MYO5C: variants seen among roughly 807,000 people sequenced by gnomAD.
MYO5C encodes the protein unconventional myosin-Vc.
In MYO5C, 194 loss-of-function variants were observed where a neutral mutation model predicts 235.7. The observed-to-expected ratio is 0.82, with a 90% CI of 0.73 to 0.93. The LOEUF (loss-of-function observed/expected upper bound fraction) is 0.93, where lower values mean the gene tolerates loss of function less well. MYO5C is among the 40% of genes least tolerant of loss of function. MYO5C has a pLI of 0.00. For synonymous variants in MYO5C, 707 were observed against 754.8 expected (o/e 0.94, Z 1.04); for missense variants, 2,038 against 2,127.2 (o/e 0.96, Z 0.82).
At chr15:52,285,461 GTCTCCCTCCTCTCCCTCC>G (rs1195543942) in intron 1 of MYO5C, among the ~76,000 whole-genome samples, 7 of 113,994 alleles carry the variant, frequency 6.1e-5, no homozygotes, top group African/African-American at 2.5e-4. Context: ...TCCCTCTCCC[GTCTCCCTCCTCTCCCTCC>G]TCTCCCTCCT....
chr15:52,204,798 G>C, intron 38 of MYO5C, 67 bp downstream of exon 38: 2 of 1,552,752 alleles, frequency 1.3e-6, no homozygotes, highest in Non-Finnish European at 1.7e-6. Context: ...AGGCGCGTGG[G>C]GCCTCGGACT....
At chr15:52,198,008 T>A (rs370607118) in intron 38 of MYO5C, among the ~76,000 whole-genome samples, 4 of 152,194 alleles carry the variant, frequency 2.6e-5, no homozygotes, top group Admixed American at 2.0e-4. Flanking sequence ...TAAAAAAAAT[T>A]GAGTGTTGAA....
intron 5 of MYO5C, among the ~76,000 whole-genome samples, chr15:52,274,012 T>C (rs1304660706): frequency 6.6e-6 from 1 of 152,088 alleles, no homozygotes; most frequent in Admixed American, 6.5e-5. Flanking sequence ...GGGCAGGATT[T>C]TTGCTTTTTA....
chr15:52,256,968 G>A, intron 10 of MYO5C: 1 of 423,176 alleles, frequency 2.4e-6, no homozygotes, highest in Non-Finnish European at 4.3e-6. Flanking sequence ...ATTAAAATAA[G>A]CATGTCACCA....
At chr15:52,279,924 C>T (rs577787887) in intron 2 of MYO5C, among the ~76,000 whole-genome samples, 1 of 152,306 alleles carries the variant, frequency 6.6e-6, no homozygotes, top group Non-Finnish European at 1.5e-5. Context: ...TCACTTCTCT[C>T]ATCTGCGAAG....
At chr15:52,212,570 TG>T (rs2033558100) in intron 34 of MYO5C, among the ~76,000 whole-genome samples, 1 of 152,096 alleles carries the variant, frequency 6.6e-6, no homozygotes, top group African/African-American at 2.4e-5. Context: ...TTTGAGATCT[TG>T]GGGCCAGCTG....
intron 36 of MYO5C, among the ~76,000 whole-genome samples, chr15:52,208,330 C>T (rs190399348): frequency 1.6e-4 from 25 of 152,292 alleles, no homozygotes; most frequent in African/African-American, 6.0e-4. Flanking sequence ...ATCTTATCTA[C>T]CTATTGATTT....
intron 18 of MYO5C, among the ~76,000 whole-genome samples, chr15:52,244,875 T>G (rs1216488726): frequency 1.3e-5 from 2 of 152,240 alleles, no homozygotes; most frequent in Non-Finnish European, 2.9e-5. Context: ...GTCTCCACAT[T>G]GGAGTAGAAG....
At position 52,205,035 on chromosome 15, in the gene MYO5C, G is replaced by A. The variant is rs1189744533; in HGVS notation, c.4650C>T (p.Ser1550=). 9 of 1,614,132 alleles carry A rather than the reference G, an allele frequency of 5.6e-6. No individual in the cohort carries two copies. In the South Asian group the frequency reaches 7.7e-5, roughly 14 times the overall value. The change falls in exon 38 of 41, where the codon TCC becomes TCT. Residue 1550 remains serine, a synonymous_variant. Transcript: ENST00000261839. Reference sequence around the variant, plus strand: ...AAAAGTAGCTCAGCTGTTGCAGGACGGAGGTCATGGTGTAGCCGTCCGTGT... The same window carrying A: ...AAAAGTAGCTCAGCTGTTGCAGGACAGAGGTCATGGTGTAGCCGTCCGTGT... ...IDDTDGYTMT[S]VLQQLSYFYT... is the part of the protein sequence containing the mutation.
Position 52,278,825 on chromosome 15 carries a change from A to G in MYO5C, c.449+48T>C, listed in dbSNP as rs1249072159. The G allele has an allele frequency of 3.1e-6, 5 of 1,602,940 alleles. No individual in the cohort carries two copies. The South Asian group carries it at 5.6e-5, about 18-fold the overall frequency. ...TCCACTGTGATGGTCTGGCAAATGCAGGGAGCATTGGCAGAGCAAGGGGAA... is the reference window on the plus strand; with the variant it reads ...TCCACTGTGATGGTCTGGCAAATGCGGGGAGCATTGGCAGAGCAAGGGGAA... On this transcript the variant is annotated intron_variant, in intron 4 of 40. Coordinates refer to ENST00000261839, the MANE Select transcript of MYO5C (RefSeq NM_018728.4).
intron 24 of MYO5C, among the ~76,000 whole-genome samples, chr15:52,230,040 T>C (rs1468986130): frequency 6.6e-6 from 1 of 152,216 alleles, no homozygotes; most frequent in African/African-American, 2.4e-5. Context: ...GAGGTTTGTT[T>C]GATCCTAAAC....
intron 36 of MYO5C, 45 bp from the exon 37 acceptor site, chr15:52,206,011 G>A: frequency 8.3e-7 from 1 of 1,199,532 alleles, no homozygotes; most frequent in Non-Finnish European, 1.1e-6. Context: ...ATACAAACAT[G>A]TAGGAAATTA....
At chr15:52,223,064 G>A (rs1190776414) in intron 29 of MYO5C, among the ~76,000 whole-genome samples, 1 of 151,268 alleles carries the variant, frequency 6.6e-6, no homozygotes, top group East Asian at 1.9e-4. Context: ...CAGGAGAATT[G>A]CTTGAACCTG....
At chr15:52,240,130 C>T (rs1487311262) in intron 20 of MYO5C, among the ~76,000 whole-genome samples, 1 of 152,194 alleles carries the variant, frequency 6.6e-6, no homozygotes, top group Non-Finnish European at 1.5e-5. Context: ...AACAGTCTTA[C>T]TATTGTTGGT....
intron 38 of MYO5C, among the ~76,000 whole-genome samples, chr15:52,202,412 T>A (rs904922860): frequency 5.9e-5 from 9 of 152,078 alleles, no homozygotes; most frequent in East Asian, 5.8e-4. Flanking sequence ...CACTTCCACC[T>A]GGTGGAAGGG....
At chr15:52,201,548 A>C (rs1262641735) in intron 38 of MYO5C, among the ~76,000 whole-genome samples, 1 of 152,236 alleles carries the variant, frequency 6.6e-6, no homozygotes, top group East Asian at 1.9e-4. Context: ...AGGCAGAAGG[A>C]AAATTATATC....
chr15:52,275,389 T>A (rs1483043951), intron 5 of MYO5C, among the ~76,000 whole-genome samples, 173 bp downstream of exon 5: 2 of 152,170 alleles, frequency 1.3e-5, no homozygotes, highest in Non-Finnish European at 2.9e-5. Context: ...AAAGTAACAA[T>A]TCTGCCCCCA....
chr15:52,247,449 T>C lies in MYO5C; in HGVS notation c.1881+9A>G. The C allele has an allele frequency of 6.2e-7, 1 of 1,613,904 alleles. No individual in the cohort carries two copies. The highest frequency in any genetic ancestry group is 8.5e-7 in the Non-Finnish European group (1 of 1,179,884). ...TTAGACCCCTCACTCTCAAACACCT[T>C]CTCAGTACCTTGCTCCCAACTGTGG... On this transcript the variant is annotated intron_variant, in intron 15 of 40. Coordinates refer to ENST00000261839, the MANE Select transcript of MYO5C (RefSeq NM_018728.4).
intron 39 of MYO5C, 101 bp downstream of exon 39, chr15:52,196,208 C>G (rs1474598127): frequency 8.5e-7 from 1 of 1,183,420 alleles, no homozygotes; most frequent in African/African-American, 1.5e-5. Context: ...AGAGTACACA[C>G]AGAATCAGGG....
Sources: gnomAD v4.1 joint callset for allele counts (sites outside exome capture counted in the v4.1 genomes callset) on GRCh38, gnomAD v4.1.1 for gene constraint, MANE v1.5 for transcripts, NCBI Gene and HGNC (gene_info 2026-07-23, HGNC 2026-07-21) for gene names.